The following LARGE1 variants were observed in gnomAD, a reference collection of about 807,000 sequenced individuals.
The protein encoded by LARGE1 is LARGE xylosyl- and glucuronyltransferase 1, also known as xylosyl- and glucuronyltransferase LARGE1.
Under a neutral mutation model 87.6 loss-of-function variants are expected in LARGE1, and 43 were observed. That is an observed-to-expected ratio of 0.49 (90% CI 0.38 to 0.63). LARGE1 has a LOEUF of 0.63. Among genes scored for constraint, LARGE1 ranks in the 30% least tolerant of loss-of-function variants. The pLI, the probability that LARGE1 is intolerant of heterozygous loss-of-function variation, is 0.00. For missense variants in LARGE1, 802 were observed against 1,000.2 expected, an observed-to-expected ratio of 0.80 and a Z score of 2.67; for synonymous variants, 434 against 394.6, an observed-to-expected ratio of 1.10 and a Z score of -1.18.
intron 5 of LARGE1, among the ~76,000 whole-genome samples, chr22:33,573,528 A>G (rs5994776): frequency 0.24 from 37,186 of 152,136 alleles, 5,131 homozygotes; most frequent in African/African-American, 0.37. Context: ...AGATCATTTA[A>G]TGAGACATTT....
At position 33,885,848 on chromosome 22, in the gene LARGE1, T is replaced by C. The variant is rs1044203163; in HGVS notation, c.-83+34147A>G. Reference sequence around the variant, plus strand: ...GAGTTCGAGACCAGCCTGGCCAACATGGCAAAACCCCATCTCTACCAAAAA... The same window carrying C: ...GAGTTCGAGACCAGCCTGGCCAACACGGCAAAACCCCATCTCTACCAAAAA... On this transcript the variant is annotated intron_variant, in intron 1 of 14. Coordinates refer to ENST00000397394, the MANE Select transcript of LARGE1 (RefSeq NM_133642.5). Among the ~76,000 whole-genome samples the C allele has an allele frequency of 3.9e-5, 6 of 152,182 alleles. No homozygotes were observed. In the South Asian group the frequency reaches 1.0e-3, roughly 26 times the overall value.
Position 33,480,711 on chromosome 22 carries a change from A to C in LARGE1, c.788-48446T>G, listed in dbSNP as rs1449172897. On this transcript the variant is annotated intron_variant, in intron 6 of 14. Transcript: ENST00000397394. ...TGCACACTTGAAAAAACACAAAAAG[A>C]GTAAGTTACTTGCAATCTTATCACT... Among the ~76,000 whole-genome samples, 3 of 152,334 alleles carry C rather than the reference A, an allele frequency of 2.0e-5. No individual in the cohort carries two copies. The East Asian group carries it at 5.8e-4, about 29-fold the overall frequency.
chr22:33,807,627 T>C (rs1202479738), intron 1 of LARGE1, among the ~76,000 whole-genome samples: 1 of 152,212 alleles, frequency 6.6e-6, no homozygotes. Flanking sequence ...CAGAGTAGTT[T>C]TACTGCGCTA....
chr22:33,702,539 G>T (rs1018238827), intron 2 of LARGE1, among the ~76,000 whole-genome samples: 20 of 152,270 alleles, frequency 1.3e-4, no homozygotes, highest in African/African-American at 4.8e-4. Flanking sequence ...ACAGTCGAAG[G>T]GACAGGAAAA....
Position 33,326,820 on chromosome 22 carries a change from T to A in LARGE1, c.1288-10572A>T, listed in dbSNP as rs147838947. Among the ~76,000 whole-genome samples the A allele has an allele frequency of 1.7e-4, 26 of 152,318 alleles. No homozygotes were observed. In the East Asian group the frequency reaches 4.1e-3, roughly 24 times the overall value. On this transcript the variant is annotated intron_variant, in intron 10 of 14. Coordinates refer to ENST00000397394, the MANE Select transcript of LARGE1 (RefSeq NM_133642.5). ...GGGGTCAAACAGGGCTCTGTGTAAG[T>A]TGCAGCTGAACAGGATCAAAGCAGC...
chr22:33,365,597 G>C (rs192512503), intron 9 of LARGE1, among the ~76,000 whole-genome samples: 4 of 150,976 alleles, frequency 2.6e-5, no homozygotes, highest in African/African-American at 7.3e-5. Context: ...ATGTGTTGAA[G>C]TATCTTTTGC....
At chr22:33,130,313 C>CAAAAAAAAAAAAAAAAAAAAAA in the LARGE1 span, among the ~76,000 whole-genome samples, 19 of 57,000 alleles carry the variant, frequency 3.3e-4, no homozygotes, top group South Asian at 1.4e-3. Context: ...GATTCCGTCT[C>CAAAAAAAAAAAAAAAAAAAAAA]AAAAAAAAAA....
intron 6 of LARGE1, among the ~76,000 whole-genome samples, chr22:33,532,445 C>G (rs2076929612): frequency 6.6e-6 from 1 of 152,198 alleles, no homozygotes; most frequent in Non-Finnish European, 1.5e-5. Flanking sequence ...TAAAGAACAG[C>G]CATTTCCTGA....
At chr22:33,863,273 T>C (rs1053056100) in intron 1 of LARGE1, among the ~76,000 whole-genome samples, 4 of 152,194 alleles carry the variant, frequency 2.6e-5, no homozygotes, top group African/African-American at 9.6e-5. Flanking sequence ...GGCAAAGCAT[T>C]TGCCATGGAG....
chr22:33,078,525 A>G, the LARGE1 span, among the ~76,000 whole-genome samples: 10 of 152,150 alleles, frequency 6.6e-5, no homozygotes, highest in African/African-American at 9.7e-5. Context: ...AAATAAGTTA[A>G]CATGTCCATG....
At chr22:33,469,783 G>A (rs1011125776) in intron 6 of LARGE1, among the ~76,000 whole-genome samples, 5 of 149,784 alleles carry the variant, frequency 3.3e-5, no homozygotes, top group Non-Finnish European at 4.4e-5. Context: ...AGCCAAGATC[G>A]CACCACTGCA....
At chr22:33,324,890 G>A (rs573846953) in intron 10 of LARGE1, among the ~76,000 whole-genome samples, 11 of 150,412 alleles carry the variant, frequency 7.3e-5, no homozygotes, top group African/African-American at 2.7e-4. Flanking sequence ...TGACGCTCAA[G>A]GATCACGCAC....
chr22:33,325,911 C>A (rs1472138571), intron 10 of LARGE1, among the ~76,000 whole-genome samples: 5 of 152,318 alleles, frequency 3.3e-5, no homozygotes, highest in African/African-American at 1.2e-4. Context: ...CAGATGAGGG[C>A]CCAAGGTGCT....
intron 2 of LARGE1, among the ~76,000 whole-genome samples, chr22:33,722,210 G>A (rs769859501): frequency 4.6e-5 from 7 of 151,382 alleles, no homozygotes; most frequent in Admixed American, 2.0e-4. Context: ...CCGAGATCAC[G>A]CCACTGCCCT....
chr22:33,680,292 T>C (rs1031774133), intron 2 of LARGE1, among the ~76,000 whole-genome samples: 1 of 152,164 alleles, frequency 6.6e-6, no homozygotes, highest in Non-Finnish European at 1.5e-5. Flanking sequence ...CAGTCCATGA[T>C]CTACGCCTGA....
intron 12 of LARGE1, among the ~76,000 whole-genome samples, chr22:33,295,620 C>T (rs1464950369): frequency 1.3e-5 from 2 of 152,232 alleles, no homozygotes; most frequent in South Asian, 2.1e-4. Context: ...CCCTGTCCTC[C>T]TCTTGTCTCA....
intron 12 of LARGE1, among the ~76,000 whole-genome samples, chr22:33,298,790 C>T (rs1933720984): frequency 6.6e-6 from 1 of 151,934 alleles, no homozygotes; most frequent in African/African-American, 2.4e-5. Context: ...ATGATTGCAC[C>T]ACTGCACTCC....
At position 33,808,108 on chromosome 22, in the gene LARGE1, T is replaced by C. The variant is rs139145607; in HGVS notation, c.-82-46550A>G. ...GTCTTCCAAAGTGGCTATACCATTT[T>C]GCATTCTGACAGCAACAAATGAGAG... On this transcript the variant is annotated intron_variant, in intron 1 of 14. Transcript: ENST00000397394. Among the ~76,000 whole-genome samples the C allele has an allele frequency of 2.5e-3, 378 of 152,384 alleles. 3 individuals are homozygous for C. Among genetic ancestry groups the C allele is most frequent in the African/African-American group, 8.4e-3 (350 of 41,590 alleles).
intron 2 of LARGE1, among the ~76,000 whole-genome samples, chr22:33,749,876 T>C (rs2084247546): frequency 6.6e-6 from 1 of 152,188 alleles, no homozygotes; most frequent in Admixed American, 6.5e-5. Context: ...GTTGTTTCTA[T>C]ATCTGCAAGT....
Sources: allele counts gnomAD v4.1 joint callset (sites outside exome capture counted in the v4.1 genomes callset), GRCh38; gene constraint gnomAD v4.1.1; transcripts MANE v1.5; gene names NCBI Gene and HGNC (gene_info 2026-07-23, HGNC 2026-07-21).